Variants in UBASH3A observed in about 807,000 individuals in gnomAD.
The protein encoded by UBASH3A is ubiquitin-associated and SH3 domain-containing protein A.
Under a neutral mutation model 73.5 loss-of-function variants are expected in UBASH3A, and 63 were observed. The ratio of observed to expected loss-of-function variants is 0.86; its 90% CI spans 0.70 to 1.06. UBASH3A has a LOEUF of 1.06. Among genes scored for constraint, UBASH3A ranks in the 50% least tolerant of loss-of-function variants. UBASH3A has a pLI of 0.00. For synonymous variants in UBASH3A, 363 were observed against 351.1 expected (o/e 1.03, Z -0.38); for missense variants, 860 against 859.0 (o/e 1.00, Z -0.02).
intron 11 of UBASH3A, among the ~76,000 whole-genome samples, 193 bp from the exon 12 acceptor site, chr21:42,442,259 C>T (rs1018927220): frequency 6.6e-6 from 1 of 152,180 alleles, no homozygotes; most frequent in Non-Finnish European, 1.5e-5. Context: ...TCCCACTGCT[C>T]GTCAGTTTTG....
At chr21:42,445,781 C>G (rs1417648735) in intron 14 of UBASH3A, among the ~76,000 whole-genome samples, 2 of 152,134 alleles carry the variant, frequency 1.3e-5, no homozygotes, top group African/African-American at 2.4e-5. Context: ...CAATTATGAT[C>G]CAGACATTTC....
intron 7 of UBASH3A, among the ~76,000 whole-genome samples, chr21:42,425,023 G>A (rs2053409385): frequency 6.6e-6 from 1 of 152,190 alleles, no homozygotes; most frequent in Non-Finnish European, 1.5e-5. Flanking sequence ...AGGACTATGA[G>A]GGCATCTGTG....
chr21:42,431,106 AG>A (rs113885917), intron 8 of UBASH3A, among the ~76,000 whole-genome samples: 1 of 152,120 alleles, frequency 6.6e-6, no homozygotes, highest in Non-Finnish European at 1.5e-5. Context: ...CTCTGGTCCC[AG>A]GGGGGGCATC....
chr21:42,436,483 C>T (rs12626388), intron 10 of UBASH3A, among the ~76,000 whole-genome samples: 28,127 of 152,110 alleles, frequency 0.18, 2,857 homozygotes, highest in African/African-American at 0.26. Context: ...TGTCTCTGTG[C>T]ACAGATTTCC....
Position 42,443,410 on chromosome 21 carries a change from C to G in UBASH3A, c.1730C>G (p.Pro577Arg). ...ASMVQIVNTC[P>R]QDTGVILIVS... ...ATGGTGCAAATCGTCAACACCTGTC[C>G]ACAGGACAGTAAGTGCCTCACCATC... is the stretch of plus-strand genomic sequence containing the variant. The change falls in exon 13 of 15, where the codon CCA (proline) becomes CGA (arginine). Residue 577 changes from proline (P) to arginine (R), a missense_variant. Transcript: ENST00000319294. 6.2e-7 allele frequency: 1 copy of G among 1,608,364 alleles called. No homozygotes were observed. Among genetic ancestry groups the G allele is most frequent in the Non-Finnish European group, 8.5e-7 (1 of 1,177,246 alleles).
In UBASH3A at chr21:42,403,915, G is replaced by A. The variant is rs559998981; in HGVS notation, c.-31G>A. On this transcript the variant is annotated 5_prime_UTR_variant, in exon 1 of 15. Transcript: ENST00000319294. Reference sequence around the variant, plus strand: ...CTTTATCTCCTCATTTCTGTGTGCAGGCGAGCTTCTTGGCCTAAGGGCAGG... The same window carrying A: ...CTTTATCTCCTCATTTCTGTGTGCAAGCGAGCTTCTTGGCCTAAGGGCAGG... The A allele has an allele frequency of 2.2e-6, 3 of 1,383,736 alleles. No individual in the cohort carries two copies. The Admixed American group carries it at 7.1e-5, about 33-fold the overall frequency. The allele number at this position is 1,383,736 out of a possible 1,614,324, so 85.7% of individuals were successfully genotyped here. A position where few individuals can be genotyped will look rare whatever the true frequency, so the allele number is the denominator to read the frequency against.
chr21:42,417,577 G>C (rs2053240297), intron 6 of UBASH3A: 1 of 151,992 alleles, frequency 6.6e-6, no homozygotes, highest in Non-Finnish European at 1.5e-5. Context: ...AGTTATATGT[G>C]CTGCCAAAGT....
At chr21:42,429,163 CAG>C (rs2053488612) in intron 8 of UBASH3A, among the ~76,000 whole-genome samples, 1 of 152,210 alleles carries the variant, frequency 6.6e-6, no homozygotes, top group Admixed American at 6.5e-5. Context: ...CTGGGGCCAC[CAG>C]GAGCTGGAAG....
Position 42,403,930 on chromosome 21 carries a change from C to T in UBASH3A, c.-16C>T. On this transcript the variant is annotated 5_prime_UTR_variant, in exon 1 of 15. Transcript: ENST00000319294. The stretch of plus-strand genomic sequence containing the variant: ...TCTGTGTGCAGGCGAGCTTCTTGGC[C>T]TAAGGGCAGGAAGAGATGGCAGCGG... The T allele has an allele frequency of 1.4e-6, 2 of 1,476,228 alleles. No homozygotes were observed. Among genetic ancestry groups the T allele is most frequent in the Non-Finnish European group, 1.8e-6 (2 of 1,101,800 alleles). The allele number at this position is 1,476,228 out of a possible 1,614,324, so 91.4% of individuals were successfully genotyped here.
chr21:42,442,299 C>A (rs1286757018), intron 11 of UBASH3A, among the ~76,000 whole-genome samples, 153 bp from the exon 12 acceptor site: 1 of 152,230 alleles, frequency 6.6e-6, no homozygotes, highest in East Asian at 1.9e-4. Context: ...TATGCCTAAT[C>A]ACAGAACGGT....
intron 6 of UBASH3A, among the ~76,000 whole-genome samples, chr21:42,416,882 GAGGTAGCATCACTGC>G (rs2053223231): frequency 1.3e-5 from 2 of 152,162 alleles, no homozygotes; most frequent in African/African-American, 4.8e-5. Context: ...GCAGCGAGTG[GAGGTAGCATCACTGC>G]ACTCCAGCCT....
At chr21:42,443,109 T>TGA (rs1283270611) in intron 12 of UBASH3A, 1 of 1,359,858 alleles carries the variant, frequency 7.4e-7, no homozygotes, top group African/African-American at 1.5e-5. Flanking sequence ...CTCCTGGTGT[T>TGA]GAGTAAGAAT....
Position 42,442,716 on chromosome 21 carries a change from T to A in UBASH3A, c.1631+120T>A, listed in dbSNP as rs1601605537. The A allele has an allele frequency of 1.9e-5, 21 of 1,119,578 alleles. No homozygotes were observed. In the East Asian group the frequency reaches 4.9e-4, roughly 26 times the overall value. The allele number at this position is 1,119,578 out of a possible 1,614,324, so 69.4% of individuals were successfully genotyped here. On this transcript the variant is annotated intron_variant, in intron 12 of 14. Transcript: ENST00000319294. The stretch of plus-strand genomic sequence containing the variant: ...TTCAAGAGGGACCACTGCAGTGGGG[T>A]TTTGCAGCAGGGGAGAGAGGTGGGG...
intron 11 of UBASH3A, among the ~76,000 whole-genome samples, chr21:42,441,830 C>T (rs2053751620): frequency 6.6e-6 from 1 of 152,252 alleles, no homozygotes; most frequent in Non-Finnish European, 1.5e-5. Context: ...AGTTCAATGA[C>T]ATCTTCTCCA....
rs779561571 is a variant in UBASH3A, at chr21:42,409,598, A to C, written c.344A>C (p.Asp115Ala). 6.2e-7 allele frequency: 1 copy of C among 1,611,052 alleles called. No individual in the cohort carries two copies. The highest frequency in any genetic ancestry group is 8.5e-7 in the Non-Finnish European group (1 of 1,178,654). The part of the protein sequence containing the change: ...HEVFPHVTLC[D>A]FFTCEDQKVE... Reference sequence around the variant, plus strand: ...GTCTTCCCACACGTGACACTCTGTGACTTCTTCACGGTGAGTCAACCCAGT... The same window carrying C: ...GTCTTCCCACACGTGACACTCTGTGCCTTCTTCACGGTGAGTCAACCCAGT... Residue 115 changes from aspartate (D) to alanine (A), a missense_variant, in exon 3 of 15, where the codon GAC (aspartate) becomes GCC (alanine). Coordinates refer to ENST00000319294, the MANE Select transcript of UBASH3A (RefSeq NM_018961.4).
intron 7 of UBASH3A, among the ~76,000 whole-genome samples, chr21:42,426,191 T>C (rs553105303): frequency 6.6e-6 from 1 of 152,246 alleles, no homozygotes; most frequent in African/African-American, 2.4e-5. Context: ...GGCCTTCAAC[T>C]GGTTGGATGA....
intron 14 of UBASH3A, among the ~76,000 whole-genome samples, chr21:42,444,868 A>G (rs1036205738): frequency 6.6e-6 from 1 of 152,124 alleles, no homozygotes; most frequent in Non-Finnish European, 1.5e-5. Context: ...CCACTTGCCA[A>G]CTTTTTACCA....
At chr21:42,429,184 A>C (rs2053488855) in intron 8 of UBASH3A, among the ~76,000 whole-genome samples, 1 of 152,178 alleles carries the variant, frequency 6.6e-6, no homozygotes, top group Non-Finnish European at 1.5e-5. Flanking sequence ...AGAAGCAAAG[A>C]ATAAATTCTC....
chr21:42,408,142 C>A (rs768064022), intron 2 of UBASH3A, among the ~76,000 whole-genome samples: 1 of 152,210 alleles, frequency 6.6e-6, no homozygotes, highest in Non-Finnish European at 1.5e-5. Flanking sequence ...GTGGGAACCA[C>A]GATGGAGAGG....
Sources: allele counts gnomAD v4.1 joint callset (sites outside exome capture counted in the v4.1 genomes callset), GRCh38; gene constraint gnomAD v4.1.1; transcripts MANE v1.5; gene names NCBI Gene and HGNC (gene_info 2026-07-23, HGNC 2026-07-21).